The following PCCA variants were observed in gnomAD, a reference collection of about 807,000 sequenced individuals.
PCCA encodes propionyl-CoA carboxylase alpha chain, mitochondrial.
A neutral mutation model predicts 101.3 loss-of-function variants in PCCA; 74 were observed. The observed-to-expected ratio is 0.73, with a 90% CI of 0.61 to 0.89. The LOEUF is 0.89. Among genes scored for constraint, PCCA ranks in the 40% least tolerant of loss-of-function variants. The pLI is 0.00. For missense variants in PCCA, 891 were observed against 907.0 expected (o/e 0.98, Z 0.23); for synonymous variants, 294 against 313.6 (o/e 0.94, Z 0.66).
At chr13:100,209,664 T>C (rs1366712254) in intron 7 of PCCA, among the ~76,000 whole-genome samples, 1 of 152,200 alleles carries the variant, frequency 6.6e-6, no homozygotes, top group Non-Finnish European at 1.5e-5. Flanking sequence ...GGAGTCTTGC[T>C]CTTGTCGCCC....
At chr13:100,203,099 C>T (rs563039740) in intron 6 of PCCA, among the ~76,000 whole-genome samples, 14 of 151,688 alleles carry the variant, frequency 9.2e-5, no homozygotes, top group Non-Finnish European at 1.2e-4. Context: ...AATGAAACTC[C>T]GTCTCTACTA....
At chr13:100,528,790 A>G (rs962009185) in intron 23 of PCCA, among the ~76,000 whole-genome samples, 6 of 152,168 alleles carry the variant, frequency 3.9e-5, no homozygotes. Flanking sequence ...GAACAAGAAA[A>G]TGTTGGTTTC....
rs144895968 is a variant in PCCA, at chr13:100,338,247, A to G, written c.1541-1910A>G. ...TACACTCCAGAGAGCTTTTGTGATT[A>G]TATATATTGATATTTACCACATTAT... is the stretch of plus-strand genomic sequence containing the variant. On this transcript the variant is annotated intron_variant, in intron 17 of 23. Coordinates refer to ENST00000376285, the MANE Select transcript of PCCA (RefSeq NM_000282.4). Among the ~76,000 whole-genome samples, 385 of 152,308 alleles carry G rather than the reference A, an allele frequency of 2.5e-3. 4 individuals carry two copies. The South Asian group carries it at 0.028, about 11-fold the overall frequency.
intron 19 of PCCA, among the ~76,000 whole-genome samples, chr13:100,388,475 A>T (rs1470071282): frequency 1.3e-5 from 2 of 152,162 alleles, no homozygotes; most frequent in Non-Finnish European, 2.9e-5. Flanking sequence ...AAACAAACAA[A>T]CAAAAAATGT....
chr13:100,117,888 G>A (rs538556990), intron 4 of PCCA, among the ~76,000 whole-genome samples: 13 of 151,928 alleles, frequency 8.6e-5, no homozygotes, highest in Non-Finnish European at 1.3e-4. Flanking sequence ...AGGCTGAGGC[G>A]GGCAGATCAT....
At chr13:100,178,770 A>T (rs2152426135) in intron 6 of PCCA, among the ~76,000 whole-genome samples, 1 of 152,142 alleles carries the variant, frequency 6.6e-6, no homozygotes, top group Non-Finnish European at 1.5e-5. Flanking sequence ...ATTTAGCCAC[A>T]TTTTTTTAAT....
intron 21 of PCCA, among the ~76,000 whole-genome samples, chr13:100,454,518 TTCAG>T (rs1198077802): frequency 4.6e-5 from 7 of 152,234 alleles, no homozygotes; most frequent in African/African-American, 1.7e-4. Flanking sequence ...CATATGTTGC[TTCAG>T]TCAAAGATGT....
At chr13:100,299,888 A>G (rs971149603) in intron 12 of PCCA, among the ~76,000 whole-genome samples, 1 of 152,066 alleles carries the variant, frequency 6.6e-6, no homozygotes, top group Non-Finnish European at 1.5e-5. Flanking sequence ...AATTGTTTTT[A>G]TTTTTAGTAG....
chr13:100,145,996 G>A (rs2052509416), intron 4 of PCCA, among the ~76,000 whole-genome samples: 2 of 149,634 alleles, frequency 1.3e-5, no homozygotes, highest in Admixed American at 6.6e-5. Context: ...GAGTGCGCTG[G>A]TGCAATCTCG....
chr13:100,156,887 T>C (rs1345695829), intron 5 of PCCA, among the ~76,000 whole-genome samples: 1 of 152,234 alleles, frequency 6.6e-6, no homozygotes, highest in African/African-American at 2.4e-5. Flanking sequence ...TTTTACATAA[T>C]TCTTTGATGC....
intron 2 of PCCA, among the ~76,000 whole-genome samples, chr13:100,107,128 T>C (rs558634645): frequency 6.6e-6 from 1 of 152,372 alleles, no homozygotes; most frequent in East Asian, 1.9e-4. Flanking sequence ...AAATTGATTC[T>C]CGTTTGAATC....
At chr13:100,175,499 G>A (rs564119710) in intron 6 of PCCA, among the ~76,000 whole-genome samples, 1 of 152,200 alleles carries the variant, frequency 6.6e-6, no homozygotes, top group Non-Finnish European at 1.5e-5. Flanking sequence ...TTTAATTGAT[G>A]TTGAATTGTG....
chr13:100,413,666 A>T (rs1238893954), intron 19 of PCCA, among the ~76,000 whole-genome samples: 1 of 152,008 alleles, frequency 6.6e-6, no homozygotes, highest in Non-Finnish European at 1.5e-5. Context: ...CCTCACAACC[A>T]CTCCTTGAAT....
intron 4 of PCCA, chr13:100,154,605 G>T: frequency 3.1e-6 from 1 of 322,112 alleles, no homozygotes. Context: ...TTAGAACTGG[G>T]CATGAGTGCT....
chr13:100,478,103 C>T (rs144781452), intron 21 of PCCA, among the ~76,000 whole-genome samples: 8 of 152,186 alleles, frequency 5.3e-5, no homozygotes, highest in African/African-American at 1.7e-4. Flanking sequence ...CTCAGAAGCC[C>T]GCAATTCATT....
At chr13:100,183,559 A>G (rs2056987718) in intron 6 of PCCA, among the ~76,000 whole-genome samples, 1 of 152,164 alleles carries the variant, frequency 6.6e-6, no homozygotes, top group African/African-American at 2.4e-5. Flanking sequence ...ATGTGCCCAG[A>G]AAGGCTTCAT....
chr13:100,180,849 C>A (rs1028856218), intron 6 of PCCA, among the ~76,000 whole-genome samples: 1 of 152,238 alleles, frequency 6.6e-6, no homozygotes, highest in Non-Finnish European at 1.5e-5. Flanking sequence ...ATCCTTTCCA[C>A]CACAGGTGAT....
intron 8 of PCCA, among the ~76,000 whole-genome samples, chr13:100,247,331 C>T (rs1453899786): frequency 6.6e-6 from 1 of 151,166 alleles, no homozygotes; most frequent in Non-Finnish European, 1.5e-5. Context: ...GTTCTCTTGC[C>T]TCAGCCTCCC....
chr13:100,490,540 T>G (rs1423196754), intron 21 of PCCA: 2 of 152,238 alleles, frequency 1.3e-5, no homozygotes, highest in Non-Finnish European at 2.9e-5. Context: ...GCAAGGCACT[T>G]TTCTAAACAT....
Sources: allele counts gnomAD v4.1 joint callset (sites outside exome capture counted in the v4.1 genomes callset), GRCh38; gene constraint gnomAD v4.1.1; transcripts MANE v1.5; gene names NCBI Gene and HGNC (gene_info 2026-07-23, HGNC 2026-07-21).